Variants in SEMA3A observed in about 807,000 individuals in gnomAD.
SEMA3A encodes semaphorin-3A.
SEMA3A carries 29 observed loss-of-function variants against 97.9 expected under a neutral mutation model. The ratio of observed to expected loss-of-function variants is 0.30; its 90% CI spans 0.22 to 0.40. The LOEUF (loss-of-function observed/expected upper bound fraction) is 0.40, where lower values mean the gene tolerates loss of function less well. Among genes scored for constraint, SEMA3A ranks in the 10% least tolerant of loss-of-function variants. The pLI is 1.00. For synonymous variants in SEMA3A, 321 were observed against 323.7 expected (o/e 0.99, Z 0.09); for missense variants, 763 against 951.3 (o/e 0.80, Z 2.60).
At chr7:84,364,074 T>C (rs1338951071) in intron 2 of SEMA3A, among the ~76,000 whole-genome samples, 1 of 149,362 alleles carries the variant, frequency 6.7e-6, no homozygotes, top group Non-Finnish European at 1.5e-5. Context: ...TATATCTTCA[T>C]TAACATATGT....
At chr7:84,199,588 C>T (rs1798307881), upstream of SEMA3A, among the ~76,000 whole-genome samples, 1 of 150,938 alleles carries the variant, frequency 6.6e-6, no homozygotes, top group Admixed American at 6.6e-5. Context: ...CTTCAAGGAA[C>T]GCTTCATTAG....
intron 4 of SEMA3A, among the ~76,000 whole-genome samples, chr7:84,062,747 C>G (rs1043175980): frequency 6.6e-6 from 1 of 152,206 alleles, no homozygotes; most frequent in Admixed American, 6.5e-5. Flanking sequence ...GATTATATCC[C>G]GCACCTGGCT....
chr7:84,245,839 C>T (rs544896978), intron 3 of SEMA3A, among the ~76,000 whole-genome samples: 1 of 152,170 alleles, frequency 6.6e-6, no homozygotes, highest in African/African-American at 2.4e-5. Flanking sequence ...GGTCAGGGAC[C>T]GACTTGAGGA....
At chr7:84,165,473 C>A (rs1797173969) in intron 1 of SEMA3A, among the ~76,000 whole-genome samples, 1 of 150,936 alleles carries the variant, frequency 6.6e-6, no homozygotes, top group African/African-American at 2.4e-5. Context: ...AAGAGAAAAT[C>A]TTTTTCTGTT....
intron 3 of SEMA3A, among the ~76,000 whole-genome samples, chr7:84,127,175 G>A (rs1174798878): frequency 6.6e-6 from 1 of 151,826 alleles, no homozygotes; most frequent in African/African-American, 2.4e-5. Flanking sequence ...CGATTTCCAT[G>A]TTCATCTCCG....
chr7:84,119,682 G>A (rs1490559962), intron 3 of SEMA3A, among the ~76,000 whole-genome samples: 3 of 152,154 alleles, frequency 2.0e-5, no homozygotes, highest in African/African-American at 7.2e-5. Context: ...TGTACTCTCA[G>A]AAATGAGTAG....
intron 4 of SEMA3A, among the ~76,000 whole-genome samples, chr7:84,070,272 T>C (rs1793690964): frequency 6.6e-6 from 1 of 152,140 alleles, no homozygotes; most frequent in Non-Finnish European, 1.5e-5. Context: ...GTTTTTAGCT[T>C]TCAAGACCAC....
intron 3 of SEMA3A, among the ~76,000 whole-genome samples, chr7:84,204,878 G>A (rs905995710): frequency 1.3e-5 from 2 of 152,082 alleles, no homozygotes; most frequent in African/African-American, 4.8e-5. Flanking sequence ...AGAGAGCAAC[G>A]TTTCACCACT....
chr7:84,003,540 C>CAACA (rs1790544951), intron 11 of SEMA3A, among the ~76,000 whole-genome samples: 1 of 152,088 alleles, frequency 6.6e-6, no homozygotes, highest in East Asian at 1.9e-4. Flanking sequence ...ATCAGACATT[C>CAACA]AACACACTCA....
At position 84,073,349 on chromosome 7, in the gene SEMA3A, G is replaced by T. The variant is rs148521457; in HGVS notation, c.454-12791C>A. ...CAGAGAGAGGGCAGAGGAAAGCAGG[G>T]AGACAGATTATTCTATCTAGAGAAA... On this transcript the variant is annotated intron_variant, in intron 4 of 16. Transcript: ENST00000265362. Among the ~76,000 whole-genome samples the T allele has an allele frequency of 1.2e-4, 18 of 152,054 alleles. No homozygotes were observed. In the East Asian group the frequency reaches 3.3e-3, roughly 28 times the overall value.
At chr7:84,193,040 A>G (rs1210821076) in intron 1 of SEMA3A, among the ~76,000 whole-genome samples, 1 of 151,998 alleles carries the variant, frequency 6.6e-6, no homozygotes, top group Non-Finnish European at 1.5e-5. Flanking sequence ...AAATTAATTA[A>G]ATAACGCTAC....
intron 1 of SEMA3A, among the ~76,000 whole-genome samples, chr7:84,409,688 G>A (rs1804207557): frequency 6.6e-6 from 1 of 152,012 alleles, no homozygotes; most frequent in South Asian, 2.1e-4. Flanking sequence ...GTTTGATTTA[G>A]TAGTTCCCAA....
chr7:84,484,668 G>T (rs1183142941), intron 1 of SEMA3A, among the ~76,000 whole-genome samples: 1 of 151,994 alleles, frequency 6.6e-6, no homozygotes, highest in East Asian at 1.9e-4. Flanking sequence ...ATTTCCGACT[G>T]GTGACATCAT....
At chr7:84,180,188 C>T (rs905203781) in intron 1 of SEMA3A, among the ~76,000 whole-genome samples, 2 of 150,686 alleles carry the variant, frequency 1.3e-5, no homozygotes, top group East Asian at 2.0e-4. Context: ...TCAGGTGATC[C>T]GCCCACCTCG....
At chr7:84,020,149 G>A (rs2116437810) in intron 6 of SEMA3A, among the ~76,000 whole-genome samples, 1 of 136,178 alleles carries the variant, frequency 7.3e-6, no homozygotes, top group African/African-American at 2.7e-5. Flanking sequence ...GGGTTCAAGT[G>A]ATTTTCCTGC....
chr7:84,472,143 G>T (rs946606655), intron 1 of SEMA3A, among the ~76,000 whole-genome samples: 6 of 152,052 alleles, frequency 3.9e-5, no homozygotes, highest in Admixed American at 2.0e-4. Context: ...AGGCATGTGT[G>T]AGTGTATGTG....
At chr7:84,129,217 C>T in intron 2 of SEMA3A, 32 bp from the exon 3 acceptor site, 2 of 1,562,700 alleles carry the variant, frequency 1.3e-6, no homozygotes, top group Non-Finnish European at 1.8e-6. Flanking sequence ...TGTTTTATGT[C>T]AACTAAGTTG....
chr7:84,440,023 T>G (rs1347058330), intron 1 of SEMA3A, among the ~76,000 whole-genome samples: 1 of 152,142 alleles, frequency 6.6e-6, no homozygotes, highest in Admixed American at 6.6e-5. Flanking sequence ...CAAATATGCA[T>G]GACAATTACA....
intron 1 of SEMA3A, among the ~76,000 whole-genome samples, chr7:84,475,143 C>A (rs1806250227): frequency 6.6e-6 from 1 of 152,090 alleles, no homozygotes; most frequent in Admixed American, 6.5e-5. Context: ...AGTGGTACAG[C>A]CCATCTCATA....
Sources: gnomAD v4.1 joint callset for allele counts (sites outside exome capture counted in the v4.1 genomes callset) on GRCh38, gnomAD v4.1.1 for gene constraint, MANE v1.5 for transcripts, NCBI Gene and HGNC (gene_info 2026-07-23, HGNC 2026-07-21) for gene names.